The following AOAH variants were observed in gnomAD, a reference collection of about 807,000 sequenced individuals.
AOAH encodes the protein acyloxyacyl hydrolase (neutrophil).
AOAH carries 64 observed loss-of-function variants against 92.2 expected under a neutral mutation model. The observed-to-expected ratio is 0.69, with a 90% CI of 0.57 to 0.86. AOAH has a LOEUF of 0.86. Ranked by LOEUF, AOAH falls within the 40% of genes least tolerant of loss-of-function variation. The pLI, the probability that AOAH is intolerant of heterozygous loss-of-function variation, is 0.00. For missense variants in AOAH, 656 were observed against 694.6 expected, an observed-to-expected ratio of 0.94 and a Z score of 0.62; for synonymous variants, 263 against 254.5, an observed-to-expected ratio of 1.03 and a Z score of -0.32.
chr7:36,524,922 T>C (rs1293976740), intron 19 of AOAH, among the ~76,000 whole-genome samples: 2 of 152,166 alleles, frequency 1.3e-5, no homozygotes, highest in Non-Finnish European at 2.9e-5. Context: ...TATTACAGCA[T>C]TCTGAGATAA....
chr7:36,640,139 G>A (rs550203877), intron 4 of AOAH, among the ~76,000 whole-genome samples: 9 of 152,228 alleles, frequency 5.9e-5, no homozygotes, highest in Admixed American at 5.2e-4. Flanking sequence ...GCCAGGGCCG[G>A]GGCTGCAGGG....
At chr7:36,610,511 TA>T (rs70977167) in intron 11 of AOAH, among the ~76,000 whole-genome samples, 15,749 of 66,796 alleles carry the variant, frequency 0.24, 1,314 homozygotes, top group African/African-American at 0.42. Context: ...TTTTTTTTTT[TA>T]AAAAAAAAGA....
chr7:36,535,115 TGTGTG>T (rs1784967282), intron 16 of AOAH, among the ~76,000 whole-genome samples: 1 of 151,264 alleles, frequency 6.6e-6, no homozygotes, highest in Non-Finnish European at 1.5e-5. Context: ...TGTCTGTGTC[TGTGTG>T]TGTATGTGTC....
intron 3 of AOAH, among the ~76,000 whole-genome samples, chr7:36,666,533 A>G (rs1350624851): frequency 6.6e-6 from 1 of 151,856 alleles, no homozygotes; most frequent in Non-Finnish European, 1.5e-5. Flanking sequence ...CTATTTCTAT[A>G]TTAAATTTCT....
At chr7:36,549,936 A>G (rs182751407) in intron 13 of AOAH, among the ~76,000 whole-genome samples, 29 of 152,294 alleles carry the variant, frequency 1.9e-4, no homozygotes, top group African/African-American at 6.0e-4. Flanking sequence ...CACACTCCCA[A>G]GGCTCCCGCA....
intron 1 of AOAH, among the ~76,000 whole-genome samples, chr7:36,712,902 G>A (rs1798862200): frequency 6.6e-6 from 1 of 152,156 alleles, no homozygotes; most frequent in African/African-American, 2.4e-5. Flanking sequence ...GAGCATCGAG[G>A]CTAGGAAGAA....
chr7:36,657,323 T>G (rs558569362), intron 4 of AOAH, among the ~76,000 whole-genome samples: 1 of 152,260 alleles, frequency 6.6e-6, no homozygotes, highest in Admixed American at 6.5e-5. Context: ...GGAAGTCACA[T>G]AACTTCTCTA....
intron 3 of AOAH, among the ~76,000 whole-genome samples, chr7:36,665,961 G>T (rs542256088): frequency 6.6e-6 from 1 of 151,994 alleles, no homozygotes; most frequent in Non-Finnish European, 1.5e-5. Flanking sequence ...ATATTTTGCC[G>T]AGGATTTTCC....
At chr7:36,635,573 C>T (rs73687585) in intron 5 of AOAH, among the ~76,000 whole-genome samples, 4,556 of 151,956 alleles carry the variant, frequency 0.03, 226 homozygotes, top group African/African-American at 0.1. Context: ...TTCTATTGAG[C>T]GGGTGGGTTT....
chr7:36,678,598 T>TAC (rs1796428318), intron 2 of AOAH, among the ~76,000 whole-genome samples: 1 of 127,316 alleles, frequency 7.9e-6, no homozygotes, highest in African/African-American at 2.8e-5. Context: ...TGTGTGTGTG[T>TAC]GTGCGCGCGC....
intron 19 of AOAH, among the ~76,000 whole-genome samples, chr7:36,523,660 T>C (rs1388625612): frequency 1.6e-5 from 2 of 124,076 alleles, no homozygotes; most frequent in African/African-American, 3.1e-5. Flanking sequence ...GGCATGTCCT[T>C]GGAATGCAAC....
At chr7:36,695,764 T>C (rs1408370880) in intron 1 of AOAH, among the ~76,000 whole-genome samples, 2 of 152,232 alleles carry the variant, frequency 1.3e-5, no homozygotes, top group East Asian at 3.8e-4. Context: ...GGCTAATCTT[T>C]TGGTTTTGTA....
chr7:36,647,117 C>A (rs1794271858), intron 4 of AOAH, among the ~76,000 whole-genome samples: 1 of 152,202 alleles, frequency 6.6e-6, no homozygotes, highest in Non-Finnish European at 1.5e-5. Flanking sequence ...ACTGTCTCTG[C>A]TTTCATGGAG....
At chr7:36,641,112 A>C (rs1326709985) in intron 4 of AOAH, among the ~76,000 whole-genome samples, 1 of 152,188 alleles carries the variant, frequency 6.6e-6, no homozygotes, top group Non-Finnish European at 1.5e-5. Flanking sequence ...TTTACAGCGC[A>C]GTCCACCCAG....
chr7:36,582,692 C>G (rs576059813), intron 12 of AOAH, among the ~76,000 whole-genome samples: 1 of 152,250 alleles, frequency 6.6e-6, no homozygotes, highest in Non-Finnish European at 1.5e-5. Context: ...AAGATGGCCT[C>G]CCATGTTGAC....
rs541647662 is a variant in AOAH at position 36,535,040 on chromosome 7, G to A, written c.1307-2696C>T. 7.8e-5 allele frequency among the ~76,000 whole-genome samples: 7 copies of A among 89,744 alleles called. No individual in the cohort carries two copies. The Admixed American group carries it at 8.7e-4, about 11-fold the overall frequency. The allele number at this position is 89,744 out of a possible 152,430, so 58.9% of individuals were successfully genotyped here. ...TGTCTGTGTCTGTGTGTGTGTCTGTGTGTGTGTATGTGTCTGTGTGTGTGT... is the reference window on the plus strand; with the variant it reads ...TGTCTGTGTCTGTGTGTGTGTCTGTATGTGTGTATGTGTCTGTGTGTGTGT... On this transcript the variant is annotated intron_variant, in intron 16 of 20. Coordinates refer to ENST00000617537, the MANE Select transcript of AOAH (RefSeq NM_001637.4).
chr7:36,552,975 T>TA (rs1337104245), intron 13 of AOAH, among the ~76,000 whole-genome samples: 2 of 151,972 alleles, frequency 1.3e-5, no homozygotes, highest in Non-Finnish European at 2.9e-5. Context: ...TTTCTTTTTT[T>TA]ATTATTATTA....
At chr7:36,722,663 C>T (rs116817373) in intron 1 of AOAH, among the ~76,000 whole-genome samples, 23,553 of 151,300 alleles carry the variant, frequency 0.16, 1,968 homozygotes, top group African/African-American at 0.2. Context: ...AGGCTGGGCG[C>T]GGTGGCTCAT....
At chr7:36,721,121 C>T (rs1462330719) in intron 1 of AOAH, among the ~76,000 whole-genome samples, 1 of 152,124 alleles carries the variant, frequency 6.6e-6, no homozygotes, top group Non-Finnish European at 1.5e-5. Flanking sequence ...CTTCTGGAGC[C>T]ATTGGTCTGA....
Sources: gnomAD v4.1 joint callset for allele counts (sites outside exome capture counted in the v4.1 genomes callset) on GRCh38, gnomAD v4.1.1 for gene constraint, MANE v1.5 for transcripts, NCBI Gene and HGNC (gene_info 2026-07-23, HGNC 2026-07-21) for gene names.